Variants in FAM204A observed in about 807,000 individuals in gnomAD.
FAM204A encodes protein FAM204A.
A neutral mutation model predicts 35.4 loss-of-function variants in FAM204A; 16 were observed. That is an observed-to-expected ratio of 0.45 (90% confidence interval 0.31 to 0.69). The LOEUF (loss-of-function observed/expected upper bound fraction) is 0.69. Among genes scored for constraint, FAM204A ranks in the 30% least tolerant of loss-of-function variants. The pLI, the probability that FAM204A is intolerant of heterozygous loss-of-function variation, is 0.07. For synonymous variants in FAM204A, 76 were observed against 86.9 expected (o/e 0.88, Z 0.70); for missense variants, 240 against 265.7 (o/e 0.90, Z 0.67).
Position 118,308,428 on chromosome 10 carries a change from T to C in FAM204A, c.*2429A>G, listed in dbSNP as rs1451760020. The C allele has an allele frequency of 6.6e-6, 1 of 152,226 alleles. No individual in the cohort carries two copies. Among genetic ancestry groups the C allele is most frequent in the African/African-American group, 2.4e-5 (1 of 41,444 alleles). 9.4% of individuals were successfully genotyped at this position (152,226 alleles called of 1,614,324 possible). A position where few individuals can be genotyped will look rare whatever the true frequency, so the allele number is the denominator to read the frequency against. ...ATGCGTACTCAAGGAATAATGTTTC[T>C]AGGAGTAAAATACCTAATTCCTATT... On this transcript the variant is annotated 3_prime_UTR_variant, in exon 9 of 9. Coordinates refer to ENST00000369183, the MANE Select transcript of FAM204A (RefSeq NM_022063.3).
At chr10:118,319,113 A>T (rs1025392093) in intron 7 of FAM204A, among the ~76,000 whole-genome samples, 8 of 151,990 alleles carry the variant, frequency 5.3e-5, no homozygotes, top group Non-Finnish European at 7.4e-5. Flanking sequence ...CAAGTGCTAC[A>T]GCATCCACAG....
At chr10:118,319,036 T>C (rs758433342) in intron 7 of FAM204A, among the ~76,000 whole-genome samples, 16 of 151,830 alleles carry the variant, frequency 1.1e-4, no homozygotes, top group Non-Finnish European at 2.1e-4. Context: ...AGAATTGTAG[T>C]CAAACCCTTT....
intron 6 of FAM204A, among the ~76,000 whole-genome samples, chr10:118,329,683 C>T (rs1340796949): frequency 6.6e-6 from 1 of 152,172 alleles, no homozygotes; most frequent in Admixed American, 6.5e-5. Flanking sequence ...ATTCTCCCCT[C>T]TTGAGTCCTA....
intron 7 of FAM204A, among the ~76,000 whole-genome samples, chr10:118,319,085 A>G (rs1846073178): frequency 6.6e-6 from 1 of 152,006 alleles, no homozygotes; most frequent in African/African-American, 2.4e-5. Context: ...CTGACTGGAA[A>G]AGTCCTGAAT....
At chr10:118,318,679 A>G (rs1346188281) in intron 7 of FAM204A, among the ~76,000 whole-genome samples, 1 of 152,060 alleles carries the variant, frequency 6.6e-6, no homozygotes, top group Non-Finnish European at 1.5e-5. Flanking sequence ...TACACAAAGT[A>G]TTCACAAAAA....
At chr10:118,324,163 T>C (rs1846162283) in intron 7 of FAM204A, among the ~76,000 whole-genome samples, 1 of 152,054 alleles carries the variant, frequency 6.6e-6, no homozygotes, top group Admixed American at 6.6e-5. Flanking sequence ...CTATACTCAG[T>C]GAATCAAAAT....
Position 118,304,719 on chromosome 10 carries a change from G to A in FAM204A, c.*6138C>T, listed in dbSNP as rs1043350293. 3.3e-5 allele frequency: 5 copies of A among 152,200 alleles called. No homozygotes were observed. Among genetic ancestry groups the A allele is most frequent in the Non-Finnish European group, 5.9e-5 (4 of 68,064 alleles). The allele number at this position is 152,200 out of a possible 1,614,324, so 9.4% of individuals were successfully genotyped here. A position where few individuals can be genotyped will look rare whatever the true frequency, so the allele number is the denominator to read the frequency against. On this transcript the variant is annotated 3_prime_UTR_variant, in exon 9 of 9. Transcript: ENST00000369183. ...TGACTGAGCATGCAATGCTCTTTCA[G>A]CAGGTATCACACTGTGACACCACAC...
At chr10:118,326,497 A>G (rs1012464473) in intron 6 of FAM204A, 8 of 465,542 alleles carry the variant, frequency 1.7e-5, no homozygotes, top group African/African-American at 1.2e-4. Context: ...ATCAAAGCCT[A>G]TGCTTTCCCT....
chr10:118,322,370 C>G (rs1420041862), intron 7 of FAM204A: 2 of 456,296 alleles, frequency 4.4e-6, no homozygotes, highest in East Asian at 1.4e-4. Context: ...GTCTCTGGAT[C>G]GCTGACACTG....
In FAM204A at chr10:118,308,591, G is replaced by A. The variant is rs1160926646; in HGVS notation, c.*2266C>T. 2 of 152,210 alleles carry A rather than the reference G, an allele frequency of 1.3e-5. No individual in the cohort carries two copies. Among genetic ancestry groups the A allele is most frequent in the Non-Finnish European group, 2.9e-5 (2 of 68,066 alleles). The allele number at this position is 152,210 out of a possible 1,614,324, so 9.4% of individuals were successfully genotyped here. A position where few individuals can be genotyped will look rare whatever the true frequency, so the allele number is the denominator to read the frequency against. On this transcript the variant is annotated 3_prime_UTR_variant, in exon 9 of 9. Coordinates refer to ENST00000369183, the MANE Select transcript of FAM204A (RefSeq NM_022063.3). ...TAGAGCTTTCCACAACCCATGCCCA[G>A]AAAGGAGTGACGACTTGGGAGAAGT...
chr10:118,307,004 T>C lies in FAM204A; in HGVS notation c.*3853A>G, dbSNP rs1450893808. ...GCTCCCCAACCTCAAAAATGAAAAA[T>C]GGACCTTATTGTCTCAGTATCCTAC... On this transcript the variant is annotated 3_prime_UTR_variant, in exon 9 of 9. Coordinates refer to ENST00000369183, the MANE Select transcript of FAM204A (RefSeq NM_022063.3). The C allele has an allele frequency of 5.3e-5, 8 of 152,210 alleles. No individual in the cohort carries two copies. The highest frequency in any genetic ancestry group is 1.5e-5 in the Non-Finnish European group (1 of 68,028). 9.4% of individuals were successfully genotyped at this position (152,210 alleles called of 1,614,324 possible).
At chr10:118,316,560 C>G (rs968478264) in intron 7 of FAM204A, among the ~76,000 whole-genome samples, 5 of 152,094 alleles carry the variant, frequency 3.3e-5, no homozygotes, top group Non-Finnish European at 5.9e-5. Context: ...TATGTTTGCA[C>G]GTTTGTATAC....
intron 7 of FAM204A, among the ~76,000 whole-genome samples, chr10:118,314,842 G>A (rs1846006791): frequency 6.6e-6 from 1 of 152,002 alleles, no homozygotes; most frequent in Admixed American, 6.6e-5. Flanking sequence ...TTTTAATTAA[G>A]GTGTCTAAAC....
chr10:118,315,196 A>G (rs761505410), intron 7 of FAM204A, among the ~76,000 whole-genome samples: 9 of 152,148 alleles, frequency 5.9e-5, no homozygotes, highest in Non-Finnish European at 1.2e-4. Context: ...TGTAAATCAT[A>G]TTGGGTTGTA....
chr10:118,339,803 C>CA (rs5788294), intron 2 of FAM204A, among the ~76,000 whole-genome samples: 99,655 of 151,982 alleles, frequency 0.66, 33,354 homozygotes, highest in Admixed American at 0.79. Context: ...CAATTATCCT[C>CA]AAGACATTCT....
intron 6 of FAM204A, among the ~76,000 whole-genome samples, chr10:118,334,768 C>T (rs926902302): frequency 3.3e-5 from 5 of 152,294 alleles, no homozygotes; most frequent in South Asian, 2.1e-4. Context: ...TGTCCCAGGA[C>T]GACTCTTCCC....
At position 118,310,915 on chromosome 10, in the gene FAM204A, G is replaced by T. The variant is rs4751651; in HGVS notation, c.651-7C>A. 774,353 of 1,575,166 alleles carry T rather than the reference G, an allele frequency of 0.49. 194,812 individuals carry two copies. The highest frequency in any genetic ancestry group is 0.56 in the Middle Eastern group (3,319 of 5,892). ...TCTCTTCTTTGCTTCAAACCTAAAA[G>T]GAAGAACATACAAATCTCAATTTAT... On this transcript the variant is annotated splice_polypyrimidine_tract_variant and splice_region_variant and intron_variant, in intron 8 of 8. Coordinates refer to ENST00000369183, the MANE Select transcript of FAM204A (RefSeq NM_022063.3).
At chr10:118,335,247 T>G in intron 5 of FAM204A, 34 bp from the exon 6 acceptor site, 2 of 1,585,758 alleles carry the variant, frequency 1.3e-6, no homozygotes, top group Non-Finnish European at 1.7e-6. Context: ...TTTTATACAA[T>G]ATATACTGTC....
At position 118,302,874 on chromosome 10, in the gene FAM204A, G is replaced by A. The variant is rs1589714829; in HGVS notation, c.*7983C>T. 1 of 152,200 alleles carries A rather than the reference G, an allele frequency of 6.6e-6. No homozygotes were observed. The highest frequency in any genetic ancestry group is 2.1e-4 in the South Asian group (1 of 4,828). 9.4% of individuals were successfully genotyped at this position (152,200 alleles called of 1,614,324 possible). ...ATCCCAGACTCCCCGTGTAAGAAGCGGGTGCTGCTCCAAGACAATGAGTCT... is the reference window on the plus strand; with the variant it reads ...ATCCCAGACTCCCCGTGTAAGAAGCAGGTGCTGCTCCAAGACAATGAGTCT... On this transcript the variant is annotated 3_prime_UTR_variant, in exon 9 of 9. Coordinates refer to ENST00000369183, the MANE Select transcript of FAM204A (RefSeq NM_022063.3).
Sources: gnomAD v4.1 joint callset for allele counts (sites outside exome capture counted in the v4.1 genomes callset) on GRCh38, gnomAD v4.1.1 for gene constraint, MANE v1.5 for transcripts, NCBI Gene and HGNC (gene_info 2026-07-23, HGNC 2026-07-21) for gene names.